Variants in SZT2 observed in about 807,000 individuals in gnomAD.
The protein encoded by SZT2 is SZT2 subunit of KICSTOR complex.
Under a neutral mutation model 404.2 loss-of-function variants are expected in SZT2, and 216 were observed. The observed-to-expected ratio is 0.53, with a 90% CI of 0.48 to 0.60. The LOEUF (loss-of-function observed/expected upper bound fraction) is 0.60. Ranked by LOEUF, SZT2 falls within the 20% of genes least tolerant of loss-of-function variation. The pLI, the probability that SZT2 is intolerant of heterozygous loss-of-function variation, is 0.00. For synonymous variants in SZT2, 1,693 were observed against 1,749.9 expected (o/e 0.97, Z 0.81); for missense variants, 3,857 against 4,459.2 (o/e 0.86, Z 3.85).
At position 43,427,986 on chromosome 1, in the gene SZT2, T is replaced by C. The variant is rs749165592; in HGVS notation, c.3804-17T>C. 18 of 1,607,034 alleles carry C rather than the reference T, an allele frequency of 1.1e-5. No homozygotes were observed. The South Asian group carries it at 2.0e-4, about 18-fold the overall frequency. ...TTAAGGGAGTTGGTCAAGTTCCATT[T>C]TCCCTTCGTTTCCTAGGACTCAGTT... On this transcript the variant is annotated splice_polypyrimidine_tract_variant and intron_variant, in intron 26 of 71. Transcript: ENST00000634258.
chr1:43,447,795 GGTTT>G, intron 67 of SZT2, 50 bp from the exon 68 acceptor site: 9 of 1,612,038 alleles, frequency 5.6e-6, no homozygotes, highest in East Asian at 4.5e-5. Flanking sequence ...GCAGGGGTGA[GGTTT>G]GTTTTATTAG....
Position 43,431,045 on chromosome 1 carries a change from C to T in SZT2, c.4871C>T (p.Pro1624Leu). 2 of 1,614,132 alleles carry T rather than the reference C, an allele frequency of 1.2e-6. No homozygotes were observed. Among genetic ancestry groups the T allele is most frequent in the Non-Finnish European group, 1.7e-6 (2 of 1,180,030 alleles). ...CTGGATGTCTTCATGCTGACTTTGC[C>T]CCTGGAAGTGGAGCTCCCCACGGCC... ...VTLDVFMLTL[P>L]LEVELPTASD... Residue 1624 changes from proline (P) to leucine (L), a missense_variant, in exon 33 of 72, where the codon CCC becomes CTC. Physicochemically the swap from Pro to Leu is moderately conservative, Grantham distance 98 (BLOSUM62 -3). This residue lies in a region of SZT2 where 1,725 missense variants were observed against 1,881.0 expected (regional missense o/e 0.92). Transcript: ENST00000634258.
In SZT2 at chr1:43,422,664, C is replaced by CA. The variant is rs1474729184; in HGVS notation, c.1922+32_1922+33insA. Reference sequence around the variant, plus strand: ...AAAGTGATGTCCCTTCACCCCCCGCCCCCCCACCCCCCCGCCACCTCATCC... The same window carrying CA: ...AAAGTGATGTCCCTTCACCCCCCGCCACCCCCACCCCCCCGCCACCTCATCC... On this transcript the variant is annotated intron_variant, in intron 13 of 71. Transcript: ENST00000634258. The CA allele has an allele frequency of 1.7e-5, 13 of 760,558 alleles. No individual in the cohort carries two copies. In the African/African-American group the frequency reaches 2.1e-4, roughly 12 times the overall value. 47.1% of individuals were successfully genotyped at this position (760,558 alleles called of 1,614,324 possible).
At chr1:43,397,715 G>C (rs1200082852) in intron 1 of SZT2, among the ~76,000 whole-genome samples, 1 of 151,928 alleles carries the variant, frequency 6.6e-6, no homozygotes, top group African/African-American at 2.4e-5. Context: ...TTTTGGTAGA[G>C]GTGGGGTTTC....
Position 43,448,401 on chromosome 1 carries a change from G to A in SZT2, c.9886G>A (p.Gly3296Arg), listed in dbSNP as rs768050764. The change falls in exon 69 of 72, where the codon GGG (glycine) becomes AGG (arginine). Residue 3296 changes from glycine (G) to arginine (R), a missense_variant. Physicochemically the swap from Gly to Arg is moderately radical, Grantham distance 125. Coordinates refer to ENST00000634258, the MANE Select transcript of SZT2 (RefSeq NM_001365999.1). This position sits in a 1 kb window ranked among gnomAD's most constrained non-coding sequence, Gnocchi z 4.2. ...EPPGPDRLRL[G>R]GRLALAELEE... The stretch of plus-strand genomic sequence containing the variant: ...ACCGGGGCCTGATCGACTGCGGCTA[G>A]GGGGGCGCCTGGCCCTGGCAGAGCT... The A allele has an allele frequency of 4.4e-6, 7 of 1,578,710 alleles. No individual in the cohort carries two copies. Among genetic ancestry groups the A allele is most frequent in the African/African-American group, 2.7e-5 (2 of 73,976 alleles).
Position 43,438,967 on chromosome 1 carries a change from G to C in SZT2, c.6666G>C (p.Leu2222=), listed in dbSNP as rs142775911. Residue 2222 remains leucine, a synonymous_variant, in exon 48 of 72, where the codon CTG becomes CTC. Transcript: ENST00000634258. The part of the protein sequence containing the change: ...QPPGSLPSEV[L]HLALPTSCRP... ...CTGGAAGTCTCCCCTCAGAGGTGCTGCATCTGGCCCTACCCACCTCCTGCA... is the reference window on the plus strand; with the variant it reads ...CTGGAAGTCTCCCCTCAGAGGTGCTCCATCTGGCCCTACCCACCTCCTGCA... 14 of 1,614,064 alleles carry C rather than the reference G, an allele frequency of 8.7e-6. No individual in the cohort carries two copies. In the African/African-American group the frequency reaches 1.5e-4, roughly 17 times the overall value.
In SZT2 at chr1:43,453,302, C is replaced by T. The variant is rs74598418; in HGVS notation, c.*2822C>T. 5.8e-6 allele frequency: 5 copies of T among 862,844 alleles called. No individual in the cohort carries two copies. Among genetic ancestry groups the T allele is most frequent in the South Asian group, 1.7e-5 (1 of 59,602 alleles). The allele number at this position is 862,844 out of a possible 1,614,324, so 53.4% of individuals were successfully genotyped here. ...AAACCAGTGGGCTCAGACTTCTGAG[C>T]GTCTCAGATCTGGCGTCCTCGACTC... On this transcript the variant is annotated 3_prime_UTR_variant, in exon 72 of 72. Coordinates refer to ENST00000634258, the MANE Select transcript of SZT2 (RefSeq NM_001365999.1).
rs1409733302 is a variant in SZT2 at position 43,451,325 on chromosome 1, G to A, written c.*845G>A. On this transcript the variant is annotated 3_prime_UTR_variant, in exon 72 of 72. Coordinates refer to ENST00000634258, the MANE Select transcript of SZT2 (RefSeq NM_001365999.1). ...CTACTGTGTCTCCTGCAGGGAGAGG[G>A]AGGCCTCGGCACCTCAGCCCACAAG... The A allele has an allele frequency of 4.3e-6, 7 of 1,613,348 alleles. No individual in the cohort carries two copies. Among genetic ancestry groups the A allele is most frequent in the Admixed American group, 1.7e-5 (1 of 60,014 alleles).
At chr1:43,443,870 C>T in intron 62 of SZT2, 74 bp downstream of exon 62, 2 of 1,575,966 alleles carry the variant, frequency 1.3e-6, no homozygotes, top group Non-Finnish European at 1.7e-6. Context: ...CCCTTCCTCT[C>T]TTTACAAGGT....
chr1:43,432,081 A>G (rs1557571747), intron 36 of SZT2, among the ~76,000 whole-genome samples, 180 bp downstream of exon 36: 1 of 152,156 alleles, frequency 6.6e-6, no homozygotes, highest in Non-Finnish European at 1.5e-5. Flanking sequence ...CTGGAAAGAA[A>G]CCCAGCTCCC....
chr1:43,450,387 C>T lies in SZT2; in HGVS notation c.10206C>T (p.Ser3402=), dbSNP rs775512800. ...REPFPVQPQD[S]ESPPAQLVST... ...CCTTCCCAGTACAGCCCCAGGACAGCGAGAGCCCCCCTGCCCAACTGGTCT... is the reference window on the plus strand; with the variant it reads ...CCTTCCCAGTACAGCCCCAGGACAGTGAGAGCCCCCCTGCCCAACTGGTCT... The change falls in exon 72 of 72, where the codon AGC becomes AGT. Residue 3402 remains serine (S), a synonymous_variant. Coordinates refer to ENST00000634258, the MANE Select transcript of SZT2 (RefSeq NM_001365999.1). This position sits in a 1 kb window ranked among gnomAD's most constrained non-coding sequence, Gnocchi z 4.3. 12 of 1,614,080 alleles carry T rather than the reference C, an allele frequency of 7.4e-6. No homozygotes were observed. The highest frequency in any genetic ancestry group is 3.3e-5 in the Admixed American group (2 of 60,022).
chr1:43,442,854 G>C lies in SZT2; in HGVS notation c.8187G>C (p.Val2729=), dbSNP rs368519856. The change falls in exon 59 of 72, where the codon GTG becomes GTC. Residue 2729 remains valine (V), a synonymous_variant. Coordinates refer to ENST00000634258, the MANE Select transcript of SZT2 (RefSeq NM_001365999.1). The surrounding 1 kb of genome is among the most constrained non-coding windows in gnomAD (Gnocchi z 4.5). The part of the protein sequence containing the change: ...PNPFLLPTME[V]ETLIRSASPP... Reference sequence around the variant, plus strand: ...CATTCCTGCTGCCGACCATGGAAGTGGAGACCCTCATCCGGAGTGCAAGTC... The same window carrying C: ...CATTCCTGCTGCCGACCATGGAAGTCGAGACCCTCATCCGGAGTGCAAGTC... The C allele has an allele frequency of 6.3e-5, 101 of 1,611,574 alleles. No homozygotes were observed. The highest frequency in any genetic ancestry group is 8.4e-5 in the Non-Finnish European group (99 of 1,178,652).
rs1361772687 is a variant in SZT2, at chr1:43,426,259, G to A, written c.3043+108G>A. ...CAGCAAGTGAGCAGATGAGTGGTGG[G>A]GGCAGGAGGAGCCCATGAGGCTGAA... On this transcript the variant is annotated intron_variant, in intron 21 of 71. Coordinates refer to ENST00000634258, the MANE Select transcript of SZT2 (RefSeq NM_001365999.1). This position sits in a 1 kb window ranked among gnomAD's most constrained non-coding sequence, Gnocchi z 4.9. The A allele has an allele frequency of 4.7e-6, 7 of 1,495,922 alleles. No homozygotes were observed. In the East Asian group the frequency reaches 1.7e-4, roughly 37 times the overall value. 92.7% of individuals were successfully genotyped at this position (1,495,922 alleles called of 1,614,324 possible).
Position 43,451,080 on chromosome 1 carries a change from T to C in SZT2, c.*600T>C, listed in dbSNP as rs777901277. ...AGCAACCCTGGCACTGGCTTCTCAATGGGAGGGAAGCAGCAGAGAAACTGA... is the reference window on the plus strand; with the variant it reads ...AGCAACCCTGGCACTGGCTTCTCAACGGGAGGGAAGCAGCAGAGAAACTGA... On this transcript the variant is annotated 3_prime_UTR_variant, in exon 72 of 72. Coordinates refer to ENST00000634258, the MANE Select transcript of SZT2 (RefSeq NM_001365999.1). 19 of 831,000 alleles carry C rather than the reference T, an allele frequency of 2.3e-5. No homozygotes were observed. The highest frequency in any genetic ancestry group is 2.7e-5 in the South Asian group (2 of 74,794). 51.5% of individuals were successfully genotyped at this position (831,000 alleles called of 1,614,324 possible).
At position 43,446,385 on chromosome 1, in the gene SZT2, G is replaced by A. The variant is rs755302772; in HGVS notation, c.9041G>A (p.Arg3014Gln). 3.8e-5 allele frequency: 62 copies of A among 1,614,128 alleles called. No individual in the cohort carries two copies. Among genetic ancestry groups the A allele is most frequent in the Admixed American group, 8.3e-5 (5 of 60,012 alleles). The change falls in exon 65 of 72, where the codon CGA becomes CAA. Residue 3014 changes from arginine (R) to glutamine (Q), a missense_variant. Arg to Gln is a conservative substitution (Grantham distance 43). Transcript: ENST00000634258. ...AAACAGTTTGCCCTGGAATGTTCCCGAATCCCAATGGGGCAGGCTGTCAAC... is the reference window on the plus strand; with the variant it reads ...AAACAGTTTGCCCTGGAATGTTCCCAAATCCCAATGGGGCAGGCTGTCAAC... Reference protein sequence around the residue: ...CVKQFALECSRIPMGQAVNSQ... With the variant: ...CVKQFALECSQIPMGQAVNSQ...
In SZT2 at chr1:43,437,870, T is replaced by G; in HGVS notation, c.6476T>G (p.Ile2159Ser). Residue 2159 changes from isoleucine (I) to serine (S), a missense_variant, in exon 46 of 72, where the codon ATC (isoleucine) becomes AGC (serine). Physicochemically the swap from Ile to Ser is moderately radical, Grantham distance 142. This residue lies in a region of SZT2 where 261 missense variants were observed against 372.9 expected (regional missense o/e 0.70). Coordinates refer to ENST00000634258, the MANE Select transcript of SZT2 (RefSeq NM_001365999.1). This position sits in a 1 kb window ranked among gnomAD's most constrained non-coding sequence, Gnocchi z 5.3. ...ARPVGQVDRH[I>S]QLLVHGVGQA... ...CCTGTGGGCCAAGTGGACAGACATA[T>G]CCAGCTGCTGGTCCATGGTGTTGGG... 6.2e-7 allele frequency: 1 copy of G among 1,614,112 alleles called. No homozygotes were observed. Among genetic ancestry groups the G allele is most frequent in the Non-Finnish European group, 8.5e-7 (1 of 1,180,028 alleles).
chr1:43,450,456 C>G lies in SZT2; in HGVS notation c.10275C>G (p.Phe3425Leu). Residue 3425 changes from phenylalanine to leucine, a missense_variant, in exon 72 of 72, where the codon TTC (phenylalanine) becomes TTG (leucine). Transcript: ENST00000634258. This position sits in a 1 kb window ranked among gnomAD's most constrained non-coding sequence, Gnocchi z 4.3. ...AGTCTGTCATCAACACAGCCTGTTTCACCCTCTGGACCCGCCTCCTCTGAG... is the reference window on the plus strand; with the variant it reads ...AGTCTGTCATCAACACAGCCTGTTTGACCCTCTGGACCCGCCTCCTCTGAG... ...HLESVINTAC[F>L]TLWTRLL is the part of the protein sequence containing the mutation. The G allele has an allele frequency of 6.2e-7, 1 of 1,614,134 alleles. No individual in the cohort carries two copies. Among genetic ancestry groups the G allele is most frequent in the Non-Finnish European group, 8.5e-7 (1 of 1,180,004 alleles).
At chr1:43,414,972 T>A in intron 4 of SZT2, 110 bp from the exon 5 acceptor site, 2 of 1,385,540 alleles carry the variant, frequency 1.4e-6, no homozygotes, top group South Asian at 2.9e-5. Flanking sequence ...CCTGGTTGGG[T>A]AGGAAGTCAG....
Position 43,424,706 on chromosome 1 carries a change from G to T in SZT2, c.2472-78G>T, listed in dbSNP as rs1652930300. On this transcript the variant is annotated intron_variant, in intron 16 of 71. Coordinates refer to ENST00000634258, the MANE Select transcript of SZT2 (RefSeq NM_001365999.1). The surrounding 1 kb of genome is among the most constrained non-coding windows in gnomAD (Gnocchi z 4.1). ...CCTTGAGGACTGCTGGGAGGTGGGT[G>T]TATGTGGGGAGAGCTTGTAGTCTCA... 4 of 1,269,496 alleles carry T rather than the reference G, an allele frequency of 3.2e-6. No individual in the cohort carries two copies. Among genetic ancestry groups the T allele is most frequent in the Non-Finnish European group, 1.1e-6 (1 of 877,830 alleles). 78.6% of individuals were successfully genotyped at this position (1,269,496 alleles called of 1,614,324 possible). A position where few individuals can be genotyped will look rare whatever the true frequency, so the allele number is the denominator to read the frequency against.
Sources: gnomAD v4.1 joint callset for allele counts (sites outside exome capture counted in the v4.1 genomes callset) on GRCh38, gnomAD v4.1.1 for gene constraint, gnomAD v4.1.1 regional missense constraint, Gnocchi (gnomAD v3.1) non-coding constraint, MANE v1.5 for transcripts, NCBI Gene and HGNC (gene_info 2026-07-23, HGNC 2026-07-21) for gene names.